Variants in KIAA1549 observed in about 807,000 individuals in gnomAD.
The protein encoded by KIAA1549 is KIAA1549.
A neutral mutation model predicts 156.4 loss-of-function variants in KIAA1549; 70 were observed. The ratio of observed to expected loss-of-function variants is 0.45; its 90% CI spans 0.37 to 0.55. KIAA1549 has a LOEUF of 0.55. Ranked by LOEUF, KIAA1549 falls within the 20% of genes least tolerant of loss-of-function variation. The pLI is 0.00. For synonymous variants in KIAA1549, 1,103 were observed against 1,066.4 expected, an observed-to-expected ratio of 1.03 and a Z score of -0.67; for missense variants, 2,428 against 2,540.9, an observed-to-expected ratio of 0.96 and a Z score of 0.96.
intron 15 of KIAA1549, among the ~76,000 whole-genome samples, chr7:138,863,318 A>C (rs1377319245): frequency 6.6e-6 from 1 of 151,802 alleles, no homozygotes; most frequent in African/African-American, 2.4e-5. Context: ...ACCATACTTA[A>C]AGGGGCCAAC....
At chr7:138,975,556 T>C (rs1333258901) in intron 1 of KIAA1549, among the ~76,000 whole-genome samples, 1 of 152,096 alleles carries the variant, frequency 6.6e-6, no homozygotes, top group African/African-American at 2.4e-5. Flanking sequence ...TCATTAACCC[T>C]TTCTTACACC....
Position 138,840,190 on chromosome 7 carries a change from C to G in KIAA1549, c.5541G>C (p.Gln1847His). 9 of 1,565,924 alleles carry G rather than the reference C, an allele frequency of 5.7e-6. No individual in the cohort carries two copies. The highest frequency in any genetic ancestry group is 7.8e-6 in the Non-Finnish European group (9 of 1,155,168). ...PVEIPPSRGS[Q>H]YGGPGWPSYG... ...ACGAAGGCCAGCCTGGCCCCCCATA[C>G]TGGCTGCCTCTGCTTGGCGGGATTT... The change falls in exon 19 of 20, where the codon CAG becomes CAC. Residue 1847 changes from glutamine to histidine, a missense_variant. Around this residue, in one of 5 missense-constraint regions of KIAA1549, gnomAD observed 363 missense variants for 354.0 expected, o/e 1.03. Coordinates refer to ENST00000422774, the MANE Select transcript of KIAA1549 (RefSeq NM_001164665.2).
intron 10 of KIAA1549, among the ~76,000 whole-genome samples, chr7:138,889,446 A>C (rs185864774): frequency 8.2e-4 from 125 of 152,358 alleles, no homozygotes; most frequent in African/African-American, 3.0e-3. Flanking sequence ...TCGAGCAGTT[A>C]ATATACAGCT....
intron 1 of KIAA1549, among the ~76,000 whole-genome samples, chr7:138,928,605 A>G (rs1812787187): frequency 6.6e-6 from 1 of 152,250 alleles, no homozygotes; most frequent in Non-Finnish European, 1.5e-5. Context: ...TTCTTGATGT[A>G]TAAATACACC....
chr7:138,862,619 T>C (rs1372951901), intron 15 of KIAA1549, among the ~76,000 whole-genome samples: 4 of 152,112 alleles, frequency 2.6e-5, no homozygotes, highest in Non-Finnish European at 5.9e-5. Context: ...AAGGTATCTC[T>C]GGATCACAAG....
At position 138,917,977 on chromosome 7, in the gene KIAA1549, G is replaced by A. The variant is rs775582009; in HGVS notation, c.1649C>T (p.Pro550Leu). 1 of 1,593,516 alleles carries A rather than the reference G, an allele frequency of 6.3e-7. No homozygotes were observed. The highest frequency in any genetic ancestry group is 1.1e-5 in the South Asian group (1 of 88,004). Reference protein sequence around the residue: ...SLSVAETQVTPSSVTTAFFSV... With the variant: ...SLSVAETQVTLSSVTTAFFSV... ...GAAAAATGCAGTGGTCACGCTGGAT[G>A]GCGTCACTTGGGTTTCAGCAACAGA... Residue 550 changes from proline (P) to leucine (L), a missense_variant, in exon 2 of 20, where the codon CCA becomes CTA. Around this residue, in one of 5 missense-constraint regions of KIAA1549, gnomAD observed 893 missense variants for 847.9 expected, o/e 1.05. Transcript: ENST00000422774.
At chr7:138,923,558 C>T (rs2354337) in intron 1 of KIAA1549, among the ~76,000 whole-genome samples, 238 of 152,000 alleles carry the variant, frequency 1.6e-3, no homozygotes, top group Non-Finnish European at 2.9e-3. Flanking sequence ...TGAGATCATG[C>T]CATTGCACTC....
rs991354655 is a variant in KIAA1549 at position 138,910,945 on chromosome 7, T to C, written c.3145+201A>G. 3.3e-5 allele frequency among the ~76,000 whole-genome samples: 5 copies of C among 151,764 alleles called. No homozygotes were observed. In the East Asian group the frequency reaches 7.7e-4, roughly 23 times the overall value. ...TACTCAGGAGGCTGAGGCAGGAGGA[T>C]TGTTCGAGCTCAGGGGTTCAAGGCT... On this transcript the variant is annotated intron_variant, in intron 4 of 19. Coordinates refer to ENST00000422774, the MANE Select transcript of KIAA1549 (RefSeq NM_001164665.2).
At chr7:138,903,852 T>TGTGTGTGC (rs1299779818) in intron 7 of KIAA1549, 116 bp from the exon 8 acceptor site, 1 of 285,778 alleles carries the variant, frequency 3.5e-6, no homozygotes, top group Non-Finnish European at 5.7e-6. Context: ...TGTGTGTGTG[T>TGTGTGTGC]GCGCGCGCGC....
chr7:138,926,258 C>T (rs975826860), intron 1 of KIAA1549, among the ~76,000 whole-genome samples: 2 of 152,058 alleles, frequency 1.3e-5, no homozygotes, highest in African/African-American at 4.8e-5. Context: ...CCCAACTTCG[C>T]AATCTCCAGC....
intron 17 of KIAA1549, among the ~76,000 whole-genome samples, chr7:138,845,531 C>T (rs536325778): frequency 2.0e-5 from 3 of 152,294 alleles, no homozygotes; most frequent in South Asian, 4.1e-4. Context: ...GTGAACTTTT[C>T]GTACTCTGTT....
intron 15 of KIAA1549, among the ~76,000 whole-genome samples, chr7:138,866,219 A>G (rs1446713077): frequency 1.3e-5 from 2 of 152,198 alleles, no homozygotes; most frequent in Non-Finnish European, 2.9e-5. Context: ...TAGATCAAGA[A>G]GGTCGGTCTT....
chr7:138,833,890 C>T lies in KIAA1549; in HGVS notation c.*4016G>A, dbSNP rs1584974789. On this transcript the variant is annotated 3_prime_UTR_variant, in exon 20 of 20. Coordinates refer to ENST00000422774, the MANE Select transcript of KIAA1549 (RefSeq NM_001164665.2). ...TGACTGCAAAAGCATCCTTCCAGCA[C>T]CTCTTCCTTCTCTTCTGAAACTCCC... The T allele has an allele frequency of 4.3e-6, 1 of 232,766 alleles. No homozygotes were observed. The highest frequency in any genetic ancestry group is 6.1e-5 in the East Asian group (1 of 16,512). The allele number at this position is 232,766 out of a possible 1,614,324, so 14.4% of individuals were successfully genotyped here. A position where few individuals can be genotyped will look rare whatever the true frequency, so the allele number is the denominator to read the frequency against.
intron 1 of KIAA1549, among the ~76,000 whole-genome samples, chr7:138,952,105 C>T (rs181353148): frequency 1.2e-4 from 19 of 152,322 alleles, no homozygotes; most frequent in Admixed American, 1.2e-3. Flanking sequence ...ACTCTAGCTG[C>T]AGGTCAGAGC....
At chr7:138,847,248 G>T (rs567730348) in intron 17 of KIAA1549, among the ~76,000 whole-genome samples, 1 of 152,188 alleles carries the variant, frequency 6.6e-6, no homozygotes, top group South Asian at 2.1e-4. Context: ...CACTTCTGAG[G>T]GTAAAAGCTA....
chr7:138,844,274 A>G (rs1810004729), intron 18 of KIAA1549, 43 bp downstream of exon 18: 1 of 1,611,862 alleles, frequency 6.2e-7, no homozygotes, highest in East Asian at 2.2e-5. Context: ...TTTCAAGTAA[A>G]TGTCCCGTAG....
chr7:138,967,424 T>C (rs991267224), intron 1 of KIAA1549, among the ~76,000 whole-genome samples: 1 of 152,090 alleles, frequency 6.6e-6, no homozygotes, highest in Non-Finnish European at 1.5e-5. Flanking sequence ...ATATCTGAGA[T>C]GAGAAAGTTC....
At chr7:138,954,149 T>C (rs1460416847) in intron 1 of KIAA1549, among the ~76,000 whole-genome samples, 3 of 152,118 alleles carry the variant, frequency 2.0e-5, no homozygotes, top group African/African-American at 7.2e-5. Context: ...CAAATAAATA[T>C]ACGATGGTAG....
chr7:138,910,700 ATTTTTT>A lies in KIAA1549; in HGVS notation c.3145+440_3145+445del, dbSNP rs10686011. On this transcript the variant is annotated intron_variant, in intron 4 of 19. Coordinates refer to ENST00000422774, the MANE Select transcript of KIAA1549 (RefSeq NM_001164665.2). ...GGCATGAGCCATCGCACTTGGTCTA[ATTTTTT>A]TTTTTTTTTTTTTTGTAGAGACAGG... 3.2e-3 allele frequency among the ~76,000 whole-genome samples: 353 copies of A among 112,016 alleles called. 2 individuals carry two copies. Among genetic ancestry groups the A allele is most frequent in the African/African-American group, 0.012 (307 of 26,158 alleles). 73.5% of individuals were successfully genotyped at this position (112,016 alleles called of 152,430 possible).
Sources: gnomAD v4.1 joint callset for allele counts (sites outside exome capture counted in the v4.1 genomes callset) on GRCh38, gnomAD v4.1.1 for gene constraint, gnomAD v4.1.1 regional missense constraint, MANE v1.5 for transcripts, NCBI Gene and HGNC (gene_info 2026-07-23, HGNC 2026-07-21) for gene names.